The following CCDC171 variants were observed in gnomAD, a reference collection of about 807,000 sequenced individuals.
CCDC171 encodes coiled-coil domain-containing protein 171.
A neutral mutation model predicts 168.2 loss-of-function variants in CCDC171; 177 were observed. The ratio of observed to expected loss-of-function variants is 1.05; its 90% confidence interval spans 0.93 to 1.19. CCDC171 has a LOEUF of 1.19. Ranked by LOEUF, CCDC171 falls within the 50% of genes most tolerant of loss-of-function variation. The pLI is 0.00. For synonymous variants in CCDC171, 687 were observed against 540.8 expected, an observed-to-expected ratio of 1.27 and a Z score of -3.75; for missense variants, 1,991 against 1,539.0, an observed-to-expected ratio of 1.29 and a Z score of -4.91.
At chr9:15,781,531 C>G (rs1278570504) in intron 20 of CCDC171, among the ~76,000 whole-genome samples, 1 of 152,168 alleles carries the variant, frequency 6.6e-6, no homozygotes, top group East Asian at 1.9e-4. Context: ...AATTCTCCTG[C>G]CTCAGCAGTA....
At chr9:15,801,088 A>C (rs76547617) in intron 21 of CCDC171, among the ~76,000 whole-genome samples, 4,105 of 151,750 alleles carry the variant, frequency 0.027, 182 homozygotes, top group African/African-American at 0.095. Context: ...AGATTTGGCT[A>C]TTCTGGGTCT....
At chr9:15,858,460 A>G (rs2061428541) in intron 23 of CCDC171, among the ~76,000 whole-genome samples, 1 of 152,066 alleles carries the variant, frequency 6.6e-6, no homozygotes, top group Non-Finnish European at 1.5e-5. Context: ...CAAAAATGCC[A>G]CTGGGATTCT....
intron 3 of CCDC171, among the ~76,000 whole-genome samples, chr9:15,576,548 G>C (rs1164093244): frequency 6.6e-6 from 1 of 152,068 alleles, no homozygotes; most frequent in East Asian, 1.9e-4. Flanking sequence ...CAAGGAAAAG[G>C]GAGGCTTGGT....
At chr9:15,645,167 C>G (rs1486974864) in intron 7 of CCDC171, among the ~76,000 whole-genome samples, 4 of 152,224 alleles carry the variant, frequency 2.6e-5, no homozygotes, top group Non-Finnish European at 5.9e-5. Context: ...TCCAACAGAC[C>G]TGCAGCTGAG....
chr9:15,949,824 C>A (rs1467733700), intron 25 of CCDC171, among the ~76,000 whole-genome samples: 1 of 152,076 alleles, frequency 6.6e-6, no homozygotes, highest in Non-Finnish European at 1.5e-5. Flanking sequence ...TTGCCCTGGC[C>A]AGAACTTCTA....
chr9:15,795,905 G>T (rs1281468418), intron 21 of CCDC171, among the ~76,000 whole-genome samples: 3 of 152,234 alleles, frequency 2.0e-5, no homozygotes, highest in Non-Finnish European at 4.4e-5. Context: ...GTACAGTCCA[G>T]TCACCAGTGT....
At chr9:15,861,376 T>C (rs1307753653) in intron 23 of CCDC171, among the ~76,000 whole-genome samples, 1 of 151,902 alleles carries the variant, frequency 6.6e-6, no homozygotes, top group Non-Finnish European at 1.5e-5. Flanking sequence ...TGTCTTATAG[T>C]TCATTTGTTT....
chr9:16,041,894 C>A (rs140297011), upstream of CCDC171, among the ~76,000 whole-genome samples: 2 of 152,220 alleles, frequency 1.3e-5, no homozygotes, highest in South Asian at 2.1e-4. Context: ...TCCAGAAACA[C>A]CATATTCTGA....
At chr9:16,081,050 A>G in the CCDC171 span, among the ~76,000 whole-genome samples, 1 of 152,176 alleles carries the variant, frequency 6.6e-6, no homozygotes. Flanking sequence ...ACATAGGCTT[A>G]CACTTAGAAA....
the CCDC171 span, among the ~76,000 whole-genome samples, chr9:16,078,571 T>C: frequency 1.3e-5 from 2 of 152,190 alleles, no homozygotes; most frequent in Non-Finnish European, 2.9e-5. Context: ...ATTTGACAGA[T>C]ACCAGGGGTC....
At chr9:15,949,795 A>T (rs1325991493) in intron 25 of CCDC171, among the ~76,000 whole-genome samples, 1 of 152,030 alleles carries the variant, frequency 6.6e-6, no homozygotes, top group African/African-American at 2.4e-5. Context: ...AATACCCTTT[A>T]TTTCCTTCTC....
At chr9:16,073,754 G>A in the CCDC171 span, among the ~76,000 whole-genome samples, 1 of 152,164 alleles carries the variant, frequency 6.6e-6, no homozygotes, top group Non-Finnish European at 1.5e-5. Context: ...CATGAGTCAG[G>A]TGCTGTTCTC....
At chr9:15,946,091 C>G (rs936016155) in intron 25 of CCDC171, among the ~76,000 whole-genome samples, 2 of 151,906 alleles carry the variant, frequency 1.3e-5, no homozygotes, top group African/African-American at 4.8e-5. Context: ...TTTCAGCTTT[C>G]TACATATGGC....
chr9:15,856,926 A>G (rs2061368799), intron 23 of CCDC171, among the ~76,000 whole-genome samples: 2 of 151,980 alleles, frequency 1.3e-5, no homozygotes, highest in African/African-American at 4.8e-5. Flanking sequence ...GTGATACCTC[A>G]TTGTGGTTTT....
At chr9:15,867,050 G>C (rs1314074363) in intron 23 of CCDC171, among the ~76,000 whole-genome samples, 1 of 152,006 alleles carries the variant, frequency 6.6e-6, no homozygotes. Flanking sequence ...TCAAGACCTA[G>C]AGGAGAAAGC....
intron 21 of CCDC171, among the ~76,000 whole-genome samples, chr9:15,807,509 C>T (rs998393815): frequency 1.1e-4 from 17 of 152,166 alleles, no homozygotes; most frequent in African/African-American, 3.9e-4. Flanking sequence ...AGGTATGGTC[C>T]TTCTGGGATC....
upstream of CCDC171, among the ~76,000 whole-genome samples, chr9:16,039,736 C>A (rs1833541817): frequency 6.6e-6 from 1 of 152,172 alleles, no homozygotes; most frequent in South Asian, 2.1e-4. Flanking sequence ...CACATTACTC[C>A]TACTCATGTC....
chr9:16,053,883 C>A (rs534868438), intron 1 of CCDC171, among the ~76,000 whole-genome samples: 1 of 152,344 alleles, frequency 6.6e-6, no homozygotes, highest in Admixed American at 6.5e-5. Context: ...CATCTCTTCT[C>A]ATGGCCATGC....
intron 16 of CCDC171, among the ~76,000 whole-genome samples, chr9:15,736,802 A>G (rs1413894714): frequency 6.6e-6 from 1 of 151,916 alleles, no homozygotes; most frequent in African/African-American, 2.4e-5. Flanking sequence ...CAGCTTCCTG[A>G]GTAGCTGAGA....
Sources: gnomAD v4.1 joint callset for allele counts (sites outside exome capture counted in the v4.1 genomes callset) on GRCh38, gnomAD v4.1.1 for gene constraint, MANE v1.5 for transcripts, NCBI Gene and HGNC (gene_info 2026-07-23, HGNC 2026-07-21) for gene names.